Variants in HTT observed in about 807,000 individuals in gnomAD.
HTT encodes huntington disease protein.
Under a neutral mutation model 362.3 loss-of-function variants are expected in HTT, and 104 were observed. The ratio of observed to expected loss-of-function variants is 0.29; its 90% confidence interval spans 0.24 to 0.34. The LOEUF (loss-of-function observed/expected upper bound fraction) is 0.34, where lower values mean the gene tolerates loss of function less well. Ranked by LOEUF, HTT falls within the 10% of genes least tolerant of loss-of-function variation. The pLI is 1.00. For missense variants in HTT, 3,301 were observed against 3,928.6 expected (o/e 0.84, Z 4.27); for synonymous variants, 1,577 against 1,548.7 (o/e 1.02, Z -0.43).
At chr4:3,083,462 T>C (rs1442690870) in intron 1 of HTT, among the ~76,000 whole-genome samples, 1 of 151,138 alleles carries the variant, frequency 6.6e-6, no homozygotes, top group Non-Finnish European at 1.5e-5. Context: ...AGTTTGAGGC[T>C]GCAGTGAGCT....
At chr4:3,198,930 G>T (rs945045934) in intron 40 of HTT, among the ~76,000 whole-genome samples, 1 of 152,218 alleles carries the variant, frequency 6.6e-6, no homozygotes. Context: ...TGGACCGCAG[G>T]GGGGTCCTGC....
chr4:3,136,487 A>G (rs532246685), intron 21 of HTT, among the ~76,000 whole-genome samples, 161 bp downstream of exon 21: 4 of 151,952 alleles, frequency 2.6e-5, no homozygotes, highest in African/African-American at 9.7e-5. Flanking sequence ...AAAAAATCCA[A>G]AAAAGTCTAA....
chr4:3,150,413 G>A (rs1484815212), intron 26 of HTT, among the ~76,000 whole-genome samples: 4 of 152,162 alleles, frequency 2.6e-5, no homozygotes, highest in Admixed American at 2.6e-4. Context: ...GTCTAGATGA[G>A]GGACCTCAGA....
chr4:3,135,508 G>T (rs1187638847), intron 19 of HTT, among the ~76,000 whole-genome samples: 1 of 151,170 alleles, frequency 6.6e-6, no homozygotes, highest in Non-Finnish European at 1.5e-5. Flanking sequence ...TTAATCCTTA[G>T]AATGTTTATA....
At chr4:3,132,498 T>G in intron 16 of HTT, 64 bp from the exon 17 acceptor site, 1 of 1,392,832 alleles carries the variant, frequency 7.2e-7, no homozygotes, top group Admixed American at 1.9e-5. Context: ...AATTAAGCTT[T>G]TGTTTCGAGT....
chr4:3,204,536 T>TA (rs1719758494), intron 42 of HTT, among the ~76,000 whole-genome samples: 1 of 152,170 alleles, frequency 6.6e-6, no homozygotes, highest in African/African-American at 2.4e-5. Context: ...TAAATTTTTT[T>TA]AAAAATTAAT....
chr4:3,185,912 G>A (rs1042991850), intron 37 of HTT, among the ~76,000 whole-genome samples: 1 of 151,858 alleles, frequency 6.6e-6, no homozygotes, highest in Admixed American at 6.6e-5. Flanking sequence ...AGAAGAGAGA[G>A]GGAGGGAGGA....
chr4:3,089,935 T>C (rs761962061), intron 2 of HTT, among the ~76,000 whole-genome samples: 9 of 152,212 alleles, frequency 5.9e-5, no homozygotes, highest in Non-Finnish European at 1.2e-4. Flanking sequence ...CAGAAGAGCA[T>C]GTTAAAAGGA....
chr4:3,215,219 T>A lies in HTT; in HGVS notation c.7054+8T>A. On this transcript the variant is annotated splice_region_variant and intron_variant, in intron 51 of 66. Transcript: ENST00000355072. The stretch of plus-strand genomic sequence containing the variant: ...TAGATCCAAACACACAGAGTAAGTC[T>A]CAGGACCCATTTTTTTCTTACATGT... 1 of 1,602,494 alleles carries A rather than the reference T, an allele frequency of 6.2e-7. No homozygotes were observed. The highest frequency in any genetic ancestry group is 8.5e-7 in the Non-Finnish European group (1 of 1,170,534).
rs181363596 is a variant in HTT, at chr4:3,105,983, C to T, written c.608+547C>T. 2.3e-4 allele frequency among the ~76,000 whole-genome samples: 35 copies of T among 152,322 alleles called. No individual in the cohort carries two copies. In the East Asian group the frequency reaches 5.2e-3, roughly 23 times the overall value. On this transcript the variant is annotated intron_variant, in intron 5 of 66. Coordinates refer to ENST00000355072, the MANE Select transcript of HTT (RefSeq NM_001388492.1). ...CCTTCTCCTTAACCAGCAATACATGCTGATGCTGATATCCCATAGACCCTC... is the reference window on the plus strand; with the variant it reads ...CCTTCTCCTTAACCAGCAATACATGTTGATGCTGATATCCCATAGACCCTC...
At chr4:3,200,644 A>G (rs184238103) in intron 41 of HTT, among the ~76,000 whole-genome samples, 1 of 152,364 alleles carries the variant, frequency 6.6e-6, no homozygotes, top group Non-Finnish European at 1.5e-5. Context: ...CTCTCTGCTC[A>G]GTATGGATAC....
At position 3,229,964 on chromosome 4, in the gene HTT, G is replaced by T; in HGVS notation, c.8187G>T (p.Arg2729Ser). ...ATGTGACGCTGACAGAACTGCGAAG[G>T]GTGCACCCTTCAGAAGACGAGATCC... ...LMYVTLTELRRVHPSEDEILA... is the reference protein window; with the variant it reads ...LMYVTLTELRSVHPSEDEILA... The change falls in exon 60 of 67, where the codon AGG becomes AGT. Residue 2729 changes from arginine (R) to serine (S), a missense_variant. Physicochemically the swap from Arg to Ser is moderately radical, Grantham distance 110. Transcript: ENST00000355072. The T allele has an allele frequency of 1.9e-6, 3 of 1,614,100 alleles. No individual in the cohort carries two copies. The highest frequency in any genetic ancestry group is 1.1e-5 in the South Asian group (1 of 91,084).
intron 38 of HTT, among the ~76,000 whole-genome samples, chr4:3,187,272 C>T (rs968459854): frequency 1.3e-5 from 2 of 152,072 alleles, no homozygotes; most frequent in Non-Finnish European, 2.9e-5. Flanking sequence ...TTTCCTGCCT[C>T]AGCCTCCCGA....
At chr4:3,183,299 G>A (rs1410467971) in intron 37 of HTT, among the ~76,000 whole-genome samples, 5 of 152,226 alleles carry the variant, frequency 3.3e-5, no homozygotes, top group African/African-American at 9.6e-5. Context: ...CCCCAGTCAG[G>A]CACAGGCCAC....
chr4:3,126,611 A>C (rs1052775776), intron 11 of HTT, among the ~76,000 whole-genome samples: 4 of 152,222 alleles, frequency 2.6e-5, no homozygotes, highest in Non-Finnish European at 5.9e-5. Flanking sequence ...ATAAAACATC[A>C]CAGCAATCCG....
In HTT at chr4:3,130,056, A is replaced by G. The variant is rs1430742758; in HGVS notation, c.1867+9A>G. On this transcript the variant is annotated intron_variant, in intron 13 of 66. Coordinates refer to ENST00000355072, the MANE Select transcript of HTT (RefSeq NM_001388492.1). ...CAGGAACTCTTCCATGGGTATGTGG[A>G]CTACAGGTGATGCGCTACAAAGTGG... 3.8e-6 allele frequency: 6 copies of G among 1,591,310 alleles called. No homozygotes were observed. In the African/African-American group the frequency reaches 8.1e-5, roughly 22 times the overall value.
intron 33 of HTT, among the ~76,000 whole-genome samples, chr4:3,176,869 G>A (rs1233883912): frequency 6.6e-6 from 1 of 152,234 alleles, no homozygotes; most frequent in African/African-American, 2.4e-5. Flanking sequence ...TCCCCGTCAG[G>A]TTGGGAAAGC....
intron 47 of HTT, among the ~76,000 whole-genome samples, chr4:3,211,188 GC>G (rs1262373393): frequency 6.6e-6 from 1 of 151,578 alleles, no homozygotes; most frequent in Non-Finnish European, 1.5e-5. Flanking sequence ...ATAGGCCTGA[GC>G]CACCACGCCC....
chr4:3,149,188 C>G (rs1716754945), intron 26 of HTT, among the ~76,000 whole-genome samples: 1 of 152,022 alleles, frequency 6.6e-6, no homozygotes, highest in Non-Finnish European at 1.5e-5. Context: ...GTAGAATGTT[C>G]TGCCAATCTC....
Sources: gnomAD v4.1 joint callset for allele counts (sites outside exome capture counted in the v4.1 genomes callset) on GRCh38, gnomAD v4.1.1 for gene constraint, MANE v1.5 for transcripts, NCBI Gene and HGNC (gene_info 2026-07-23, HGNC 2026-07-21) for gene names.